The following PRR5 variants were observed in gnomAD, a reference collection of about 807,000 sequenced individuals.
The protein encoded by PRR5 is proline rich 5, also known as proline-rich protein 5.
In PRR5, 25 loss-of-function variants were observed where a neutral mutation model predicts 30.6. The observed-to-expected ratio is 0.82, with a 90% CI of 0.60 to 1.14. PRR5 has a LOEUF of 1.14. PRR5 is among the 50% of genes most tolerant of loss of function. PRR5 has a pLI of 0.00. For synonymous variants in PRR5, 286 were observed against 247.1 expected (o/e 1.16, Z -1.48); for missense variants, 600 against 547.1 (o/e 1.10, Z -0.96).
At chr22:44,692,476 G>GGGGCTCCTCCTCCCA (rs1382013318) in intron 1 of PRR5, among the ~76,000 whole-genome samples, 1 of 118,060 alleles carries the variant, frequency 8.5e-6, no homozygotes, top group Non-Finnish European at 1.8e-5. Flanking sequence ...CTTCCTCCCG[G>GGGGCTCCTCCTCCCA]GGGCTCCTCC....
At chr22:44,674,160 C>CT (rs879281909), upstream of PRR5, among the ~76,000 whole-genome samples, 152 of 142,428 alleles carry the variant, frequency 1.1e-3, no homozygotes, top group South Asian at 1.8e-3. Context: ...GTTTTCTTTT[C>CT]TTTTTTTTTT....
chr22:44,732,778 T>C (rs132396), intron 6 of PRR5, among the ~76,000 whole-genome samples: 108,042 of 139,698 alleles, frequency 0.77, 39,748 homozygotes, highest in Middle Eastern at 0.82. Flanking sequence ...CATGCCTGTG[T>C]GCACGCACAT....
intron 2 of PRR5, among the ~76,000 whole-genome samples, chr22:44,718,013 C>T (rs1929351767): frequency 6.6e-6 from 1 of 152,098 alleles, no homozygotes; most frequent in Non-Finnish European, 1.5e-5. Context: ...TTGCACCCAG[C>T]CTGCCTGCTT....
At chr22:44,673,754 G>A (rs889255419), upstream of PRR5, among the ~76,000 whole-genome samples, 7 of 152,192 alleles carry the variant, frequency 4.6e-5, no homozygotes, top group African/African-American at 1.7e-4. Flanking sequence ...GGAAGACAGG[G>A]AGAAGATCCT....
At chr22:44,682,084 C>T (rs1011440872) in intron 1 of PRR5, among the ~76,000 whole-genome samples, 3 of 152,168 alleles carry the variant, frequency 2.0e-5, no homozygotes, top group Non-Finnish European at 4.4e-5. Context: ...TTACAAGGGG[C>T]GTGGCCAGCA....
intron 1 of PRR5, among the ~76,000 whole-genome samples, chr22:44,703,648 G>T (rs551691446): frequency 3.9e-5 from 6 of 152,254 alleles, no homozygotes; most frequent in Middle Eastern, 3.4e-3. Flanking sequence ...CTGTGGGGAG[G>T]GCTGGTGTGG....
Position 44,688,771 on chromosome 22 carries a change from T to C in PRR5, c.-11+11531T>C, listed in dbSNP as rs996386937. 1.3e-4 allele frequency among the ~76,000 whole-genome samples: 20 copies of C among 152,076 alleles called. 1 individual carries two copies. Among genetic ancestry groups the C allele is most frequent in the Admixed American group, 7.2e-4 (11 of 15,254 alleles). On this transcript the variant is annotated intron_variant, in intron 1 of 8. Transcript: ENST00000006251. ...GGGAGGCCGAGGCAGGCGGATCACT[T>C]GAGGTCAGGAGTTCGAGACCAGCCT...
chr22:44,679,821 C>T (rs1569063244), intron 1 of PRR5: 3 of 1,599,008 alleles, frequency 1.9e-6, no homozygotes. Context: ...GGAACTTTCA[C>T]AGAGGGAAGC....
intron 1 of PRR5, 24 bp downstream of exon 1, chr22:44,702,632 C>A: frequency 7.9e-7 from 1 of 1,268,850 alleles, no homozygotes. Flanking sequence ...CTCCCGGCCA[C>A]CCGGAGGCCC....
chr22:44,726,510 C>T (rs1920952721), intron 3 of PRR5, 67 bp from the exon 4 acceptor site: 9 of 1,609,346 alleles, frequency 5.6e-6, no homozygotes, highest in African/African-American at 1.3e-5. Context: ...CTCTCGGGGG[C>T]CCTGCTGGCC....
At chr22:44,711,158 G>A (rs1238457141) in intron 1 of PRR5, among the ~76,000 whole-genome samples, 3 of 152,200 alleles carry the variant, frequency 2.0e-5, no homozygotes, top group African/African-American at 4.8e-5. Context: ...GCGGGCAGGT[G>A]TTCGCTGGCA....
At chr22:44,735,450 G>T (rs1268369105) in intron 7 of PRR5, among the ~76,000 whole-genome samples, 1 of 152,208 alleles carries the variant, frequency 6.6e-6, no homozygotes, top group East Asian at 1.9e-4. Flanking sequence ...TCAGAAGTGG[G>T]CCAGGCGGAG....
intron 1 of PRR5, among the ~76,000 whole-genome samples, chr22:44,711,993 TG>T (rs1220345516): frequency 4.0e-5 from 6 of 151,808 alleles, no homozygotes; most frequent in African/African-American, 1.2e-4. Context: ...AGTCTGAAAA[TG>T]GGGGCAGGGG....
intron 3 of PRR5, among the ~76,000 whole-genome samples, chr22:44,726,163 C>A (rs1034210470): frequency 1.3e-5 from 2 of 152,166 alleles, no homozygotes; most frequent in Non-Finnish European, 2.9e-5. Context: ...TGGTTCTTGG[C>A]CGAGCCACCC....
intron 1 of PRR5, among the ~76,000 whole-genome samples, chr22:44,696,757 G>A (rs374013893): frequency 1.2e-5 from 1 of 83,162 alleles, no homozygotes; most frequent in Non-Finnish European, 2.3e-5. Context: ...ATTTATTTGA[G>A]ATGCAGTCCT....
chr22:44,698,211 G>A (rs981407030), upstream of PRR5, among the ~76,000 whole-genome samples: 15 of 152,204 alleles, frequency 9.9e-5, no homozygotes, highest in African/African-American at 3.1e-4. Flanking sequence ...AGTTTGGAAT[G>A]AGTTTGGGTC....
At chr22:44,733,135 A>T (rs900304630) in intron 6 of PRR5, among the ~76,000 whole-genome samples, 1 of 152,260 alleles carries the variant, frequency 6.6e-6, no homozygotes, top group African/African-American at 2.4e-5. Context: ...ACACTCTGAG[A>T]GCTGTTAGCC....
rs141630571 is a variant in PRR5, at chr22:44,729,539, T to C, written c.323-2191T>C. 1.2e-3 allele frequency: 1,208 copies of C among 985,528 alleles called. 19 individuals carry two copies. In the African/African-American group the frequency reaches 0.02, roughly 16 times the overall value. 61.0% of individuals were successfully genotyped at this position (985,528 alleles called of 1,614,324 possible). ...ACGCCCAGTGCTGTTTCATCTCAGC[T>C]TTCGACCTGCCCACGTGGGGACGTG... On this transcript the variant is annotated intron_variant, in intron 4 of 7. Coordinates refer to ENST00000336985, the MANE Select transcript of PRR5 (RefSeq NM_181333.4).
chr22:44,678,931 C>T (rs923338199), intron 1 of PRR5, among the ~76,000 whole-genome samples: 4 of 152,174 alleles, frequency 2.6e-5, no homozygotes, highest in East Asian at 1.9e-4. Context: ...AGGGCACCTG[C>T]GTTAGGGGAC....
Sources: gnomAD v4.1 joint callset for allele counts (sites outside exome capture counted in the v4.1 genomes callset) on GRCh38, gnomAD v4.1.1 for gene constraint, MANE v1.5 for transcripts, NCBI Gene and HGNC (gene_info 2026-07-23, HGNC 2026-07-21) for gene names.